LRRC7: variants seen among roughly 807,000 people sequenced by gnomAD.
The protein encoded by LRRC7 is leucine rich repeat containing 7, also known as leucine-rich repeat-containing protein 7.
LRRC7 carries 23 observed loss-of-function variants against 175.7 expected under a neutral mutation model. The ratio of observed to expected loss-of-function variants is 0.13; its 90% CI spans 0.09 to 0.19. The LOEUF (loss-of-function observed/expected upper bound fraction) is 0.19. Among genes scored for constraint, LRRC7 ranks in the 10% least tolerant of loss-of-function variants. The pLI is 1.00. For missense variants in LRRC7, 1,354 were observed against 1,904.7 expected, an observed-to-expected ratio of 0.71 and a Z score of 5.38; for synonymous variants, 685 against 680.9, an observed-to-expected ratio of 1.01 and a Z score of -0.09.
intron 6 of LRRC7, among the ~76,000 whole-genome samples, chr1:69,835,472 C>T (rs1680999416): frequency 6.6e-6 from 1 of 151,728 alleles, no homozygotes; most frequent in Non-Finnish European, 1.5e-5. Flanking sequence ...TCTGTCTTCA[C>T]AAATAATAAA....
intron 2 of LRRC7, among the ~76,000 whole-genome samples, chr1:69,679,821 T>C (rs1660247632): frequency 6.6e-6 from 1 of 152,102 alleles, no homozygotes; most frequent in African/African-American, 2.4e-5. Flanking sequence ...CATAAAGTGA[T>C]TTTTCAGGAC....
chr1:69,858,264 A>T (rs1570367428), intron 7 of LRRC7, among the ~76,000 whole-genome samples: 1 of 152,166 alleles, frequency 6.6e-6, no homozygotes, highest in Non-Finnish European at 1.5e-5. Flanking sequence ...GACAAATGGG[A>T]TCTAATTAAA....
chr1:69,727,272 T>C (rs1030017216), intron 2 of LRRC7, among the ~76,000 whole-genome samples: 5 of 152,174 alleles, frequency 3.3e-5, no homozygotes, highest in Non-Finnish European at 5.9e-5. Flanking sequence ...CTGCAAGGGA[T>C]CTGGGATGGT....
At chr1:69,985,601 A>G (rs890776117) in intron 9 of LRRC7, among the ~76,000 whole-genome samples, 1 of 152,202 alleles carries the variant, frequency 6.6e-6, no homozygotes, top group Non-Finnish European at 1.5e-5. Flanking sequence ...CATGAGCCCT[A>G]AAAGAAAACC....
chr1:69,574,065 T>G (rs1645846331), intron 1 of LRRC7, among the ~76,000 whole-genome samples: 1 of 152,060 alleles, frequency 6.6e-6, no homozygotes, highest in Admixed American at 6.6e-5. Context: ...TCATAACAAA[T>G]GGCTTAAGTT....
At chr1:69,940,848 A>G (rs550696974) in intron 8 of LRRC7, among the ~76,000 whole-genome samples, 15 of 152,250 alleles carry the variant, frequency 9.9e-5, no homozygotes, top group African/African-American at 3.4e-4. Context: ...GTATTGCCTA[A>G]AATCGAATTA....
Position 69,807,133 on chromosome 1 carries a change from C to G in LRRC7, c.421+14973C>G, listed in dbSNP as rs183943838. Among the ~76,000 whole-genome samples the G allele has an allele frequency of 2.7e-4, 41 of 151,922 alleles. 2 individuals are homozygous for G. The highest frequency in any genetic ancestry group is 2.3e-3 in the Admixed American group (35 of 15,230). On this transcript the variant is annotated intron_variant, in intron 4 of 26. Coordinates refer to ENST00000651989, the MANE Select transcript of LRRC7 (RefSeq NM_001370785.2). The stretch of plus-strand genomic sequence containing the variant: ...AGGATGGCAACCCCTGCTTTTTTTG[C>G]TTTCCATTTGCTTGTTAAATAGTCC...
At chr1:69,674,148 A>T (rs1304725848) in intron 1 of LRRC7, among the ~76,000 whole-genome samples, 2 of 152,182 alleles carry the variant, frequency 1.3e-5, no homozygotes, top group Non-Finnish European at 2.9e-5. Flanking sequence ...ATAGATATTA[A>T]AATATAAGTG....
intron 8 of LRRC7, 26 bp from the exon 9 acceptor site, chr1:69,980,353 C>T (rs755974555): frequency 8.9e-6 from 14 of 1,573,610 alleles, no homozygotes; most frequent in Non-Finnish European, 1.2e-5. Context: ...GTTTTCCTCT[C>T]TCCTTCCTCC....
At chr1:69,977,403 C>T (rs944423526) in intron 8 of LRRC7, among the ~76,000 whole-genome samples, 1 of 152,154 alleles carries the variant, frequency 6.6e-6, no homozygotes, top group Non-Finnish European at 1.5e-5. Context: ...TTCTTGAGGG[C>T]AGAGACCATA....
intron 8 of LRRC7, among the ~76,000 whole-genome samples, chr1:69,936,760 A>C (rs945377035): frequency 1.3e-5 from 2 of 151,514 alleles, no homozygotes; most frequent in Admixed American, 1.3e-4. Context: ...CTATTATTTC[A>C]CTCTTTGTGT....
rs527922783 is a variant in LRRC7, at chr1:69,792,595, T to A, written c.421+435T>A. Among the ~76,000 whole-genome samples, 4 of 152,064 alleles carry A rather than the reference T, an allele frequency of 2.6e-5. No individual in the cohort carries two copies. In the South Asian group the frequency reaches 6.2e-4, roughly 24 times the overall value. On this transcript the variant is annotated intron_variant, in intron 4 of 26. Coordinates refer to ENST00000651989, the MANE Select transcript of LRRC7 (RefSeq NM_001370785.2). Reference sequence around the variant, plus strand: ...CCCCTAGCACTAACCATCCTCACAATATTGTATACTTTACCTATTTCCTAT... The same window carrying A: ...CCCCTAGCACTAACCATCCTCACAAAATTGTATACTTTACCTATTTCCTAT...
intron 16 of LRRC7, among the ~76,000 whole-genome samples, chr1:70,021,732 A>G (rs1165017793): frequency 6.6e-6 from 1 of 152,164 alleles, no homozygotes; most frequent in African/African-American, 2.4e-5. Context: ...AAGATCTTTT[A>G]TAGGGACTAC....
intron 1 of LRRC7, among the ~76,000 whole-genome samples, chr1:69,608,812 G>GTC (rs558298354): frequency 2.2e-5 from 2 of 91,642 alleles, no homozygotes; most frequent in African/African-American, 8.2e-5. Context: ...TGCTCTGTCT[G>GTC]TCTCTCTCTC....
At chr1:69,705,812 A>G (rs558761741) in intron 2 of LRRC7, among the ~76,000 whole-genome samples, 11 of 152,264 alleles carry the variant, frequency 7.2e-5, no homozygotes, top group African/African-American at 1.9e-4. Context: ...GATTTTGGAC[A>G]TGACCAGAAT....
At chr1:69,732,398 C>A (rs1161133881) in intron 2 of LRRC7, among the ~76,000 whole-genome samples, 1 of 151,894 alleles carries the variant, frequency 6.6e-6, no homozygotes, top group Non-Finnish European at 1.5e-5. Context: ...CTAAAATATG[C>A]AGTCAGTGAG....
chr1:69,961,426 C>G (rs1330568598), intron 8 of LRRC7, among the ~76,000 whole-genome samples: 1 of 152,132 alleles, frequency 6.6e-6, no homozygotes, highest in Non-Finnish European at 1.5e-5. Context: ...TTTATAGATT[C>G]AATGCTCTTC....
intron 7 of LRRC7, among the ~76,000 whole-genome samples, chr1:69,854,953 C>T (rs1196541532): frequency 6.6e-6 from 1 of 152,046 alleles, no homozygotes; most frequent in Non-Finnish European, 1.5e-5. Context: ...AAATCTTTTT[C>T]AACTCTTAAT....
At chr1:69,600,692 A>G (rs1627769) in intron 1 of LRRC7, among the ~76,000 whole-genome samples, 22,968 of 149,512 alleles carry the variant, frequency 0.15, 1,914 homozygotes, top group Admixed American at 0.19. Flanking sequence ...CTTTTTTCTT[A>G]TAATAACTTT....
Sources: gnomAD v4.1 joint callset for allele counts (sites outside exome capture counted in the v4.1 genomes callset) on GRCh38, gnomAD v4.1.1 for gene constraint, MANE v1.5 for transcripts, NCBI Gene and HGNC (gene_info 2026-07-23, HGNC 2026-07-21) for gene names.